Variants in ZNF185 observed in about 807,000 individuals in gnomAD.
The protein encoded by ZNF185 is zinc finger protein 185.
In ZNF185, 56 loss-of-function variants were observed where a neutral mutation model predicts 58.6. The ratio of observed to expected loss-of-function variants is 0.95; its 90% CI spans 0.77 to 1.19. The LOEUF (loss-of-function observed/expected upper bound fraction) is 1.19, where lower values mean the gene tolerates loss of function less well. Among genes scored for constraint, ZNF185 ranks in the 50% most tolerant of loss-of-function variants. The probability of loss-of-function intolerance (pLI) is 0.00; values close to 1 mark genes in which losing one functional copy is unlikely to be tolerated. For missense variants in ZNF185, 627 were observed against 573.5 expected (o/e 1.09, Z -0.95); for synonymous variants, 230 against 215.9 (o/e 1.07, Z -0.57).
intron 16 of ZNF185, among the ~76,000 whole-genome samples, chrX:152,958,965 C>T (rs191312997): frequency 2.0e-4 from 22 of 112,170 alleles, no homozygotes; most frequent in Non-Finnish European, 3.8e-4. Context: ...ACTCTGCCTG[C>T]GGTGCTCGCC....
At chrX:152,928,647 C>T (rs952321563) in exon 12 of ZNF185, 8 of 1,210,211 alleles carry the variant, frequency 6.6e-6, no homozygotes, top group Admixed American at 4.4e-5. Context: ...TGGCCCCAGA[C>T]GTGGAAGGCA....
intron 15 of ZNF185, among the ~76,000 whole-genome samples, chrX:152,940,052 G>C (rs782139501): frequency 3.4e-4 from 38 of 111,323 alleles, no homozygotes; most frequent in African/African-American, 1.2e-3. Context: ...CAAATTGCTG[G>C]GATTACAGGC....
chrX:152,927,045 C>T (rs1868723894), intron 11 of ZNF185, among the ~76,000 whole-genome samples: 1 of 112,319 alleles, frequency 8.9e-6, no homozygotes, highest in Non-Finnish European at 1.9e-5. Context: ...ACATCAGTCA[C>T]TGGAGCAGGC....
At chrX:152,939,066 G>GATCT (rs1569506556) in intron 15 of ZNF185, among the ~76,000 whole-genome samples, 3 of 111,763 alleles carry the variant, frequency 2.7e-5, no homozygotes, top group Non-Finnish European at 5.6e-5. Flanking sequence ...ATGGAGCAGG[G>GATCT]CCTTGGTAAG....
At chrX:152,938,040 T>G in intron 14 of ZNF185, 34 bp from the exon 17 acceptor site, 1 of 1,157,506 alleles carries the variant, frequency 8.6e-7, no homozygotes, top group Non-Finnish European at 1.2e-6. Flanking sequence ...TTCTTTGGTC[T>G]GAGATCTCAG....
chrX:152,943,048 A>G (rs1175973919), intron 15 of ZNF185, among the ~76,000 whole-genome samples: 3 of 111,687 alleles, frequency 2.7e-5, no homozygotes, highest in Non-Finnish European at 5.6e-5. Context: ...CTGTCGCCCC[A>G]GACTGGAGTG....
rs782202380 is a variant in ZNF185, at chrX:152,965,536, G to A, written c.1799+9G>A. ...TCTGCACGCTATAGCAAGTAAGAGCGGGTCCCAAACCCTTCCATGTCGGCC... is the reference window on the plus strand; with the variant it reads ...TCTGCACGCTATAGCAAGTAAGAGCAGGTCCCAAACCCTTCCATGTCGGCC... On this transcript the variant is annotated intron_variant, in intron 19 of 22. Coordinates refer to ENST00000449285, the Ensembl canonical transcript of ZNF185. 40 of 1,170,188 alleles carry A rather than the reference G, an allele frequency of 3.4e-5. No individual in the cohort carries two copies. The highest frequency in any genetic ancestry group is 1.1e-4 in the African/African-American group (6 of 56,200).
chrX:152,945,400 C>CCAGAGCGG lies in ZNF185; in HGVS notation c.1352_1359dup (p.Ser454GlyfsTer22), dbSNP rs2047684597. ...TCAGCAACCTGCAGATCCCAGCACC[C>CCAGAGCGG]CAGAGCGGCAGAGCAGCCCCAGCGG... On this transcript the variant is annotated frameshift_variant, in exon 16 of 23. Coordinates refer to ENST00000449285, the Ensembl canonical transcript of ZNF185. LOFTEE classifies it high-confidence loss of function. 8.3e-7 allele frequency: 1 copy of CCAGAGCGG among 1,206,463 alleles called. No homozygotes were observed. The highest frequency in any genetic ancestry group is 1.1e-6 in the Non-Finnish European group (1 of 893,209).
intron 16 of ZNF185, among the ~76,000 whole-genome samples, chrX:152,956,643 A>G (rs1603300696): frequency 8.9e-6 from 1 of 111,959 alleles, no homozygotes; most frequent in African/African-American, 3.3e-5. Context: ...GGAGGCTAAG[A>G]CTGGAGAATC....
intron 13 of ZNF185, 97 bp downstream of exon 14, chrX:152,931,873 G>A (rs1942046111): frequency 5.5e-6 from 4 of 733,035 alleles, no homozygotes; most frequent in Non-Finnish European, 5.9e-6. Flanking sequence ...CAATGTCAAT[G>A]GATGCAGCTG....
chrX:152,936,554 C>A, intron 14 of ZNF185, 41 bp downstream of exon 16: 1 of 1,106,444 alleles, frequency 9.0e-7, no homozygotes. Flanking sequence ...ATCCCATTGC[C>A]AGACACAGCC....
At chrX:152,930,659 G>A (rs1361072795) in intron 12 of ZNF185, among the ~76,000 whole-genome samples, 2 of 111,560 alleles carry the variant, frequency 1.8e-5, no homozygotes, top group Non-Finnish European at 3.8e-5. Flanking sequence ...CCTTGGGAGG[G>A]GAGGAGACAG....
At chrX:152,918,542 C>T (rs1939010348) in intron 6 of ZNF185, among the ~76,000 whole-genome samples, 1 of 112,811 alleles carries the variant, frequency 8.9e-6, no homozygotes, top group African/African-American at 3.2e-5. Context: ...GCCTGGGGAT[C>T]CTCAGGGTGC....
chrX:152,940,762 CA>C (rs1326317040), intron 15 of ZNF185, among the ~76,000 whole-genome samples: 3 of 112,346 alleles, frequency 2.7e-5, no homozygotes, highest in Non-Finnish European at 5.6e-5. Context: ...CAAAATATGT[CA>C]AAAAATATAT....
chrX:152,907,884 G>T, the ZNF185 span, among the ~76,000 whole-genome samples: 4 of 113,059 alleles, frequency 3.5e-5, no homozygotes, highest in African/African-American at 1.3e-4. Flanking sequence ...CAAAAAACCA[G>T]AAGTCTTCTC....
intron 7 of ZNF185, among the ~76,000 whole-genome samples, 161 bp downstream of exon 8, chrX:152,919,242 G>A (rs1939192706): frequency 1.8e-5 from 2 of 111,473 alleles, no homozygotes; most frequent in Non-Finnish European, 3.8e-5. Context: ...CATTCTCTGA[G>A]TGCCAGAACC....
intron 15 of ZNF185, among the ~76,000 whole-genome samples, chrX:152,938,374 T>A (rs1440543016): frequency 8.9e-5 from 10 of 112,199 alleles, no homozygotes; most frequent in Non-Finnish European, 1.9e-4. Context: ...AGGAAATACA[T>A]CATAGTCAGA....
intron 3 of ZNF185, among the ~76,000 whole-genome samples, chrX:152,915,433 G>A (rs1938249541): frequency 8.8e-6 from 1 of 113,036 alleles, no homozygotes; most frequent in Non-Finnish European, 1.9e-5. Context: ...CCTTGGCCTG[G>A]CTGTGTGGCT....
intron 16 of ZNF185, among the ~76,000 whole-genome samples, chrX:152,951,784 T>G (rs1304563426): frequency 8.9e-6 from 1 of 111,860 alleles, no homozygotes; most frequent in Non-Finnish European, 1.9e-5. Context: ...AATGAACACA[T>G]TTAACAGATC....
Sources: allele counts gnomAD v4.1 joint callset (sites outside exome capture counted in the v4.1 genomes callset), GRCh38; gene constraint gnomAD v4.1.1; transcripts MANE v1.5; gene names NCBI Gene and HGNC (gene_info 2026-07-23, HGNC 2026-07-21).